Variants in SEMA3B observed in about 807,000 individuals in gnomAD.
SEMA3B encodes semaphorin 3B, also known as semaphorin-3B.
A neutral mutation model predicts 77.8 loss-of-function variants in SEMA3B; 71 were observed. The observed-to-expected ratio is 0.91, with a 90% confidence interval of 0.75 to 1.11. SEMA3B has a LOEUF of 1.11. SEMA3B is among the 50% of genes most tolerant of loss of function. The pLI, the probability that SEMA3B is intolerant of heterozygous loss-of-function variation, is 0.00. For missense variants in SEMA3B, 968 were observed against 1,056.8 expected, an observed-to-expected ratio of 0.92 and a Z score of 1.17; for synonymous variants, 470 against 452.9, an observed-to-expected ratio of 1.04 and a Z score of -0.48.
Position 50,273,059 on chromosome 3 carries a change from C to A in SEMA3B, c.665-239C>A. On this transcript the variant is annotated intron_variant, in intron 6 of 16. Transcript: ENST00000616701. This position sits in a 1 kb window ranked among gnomAD's most constrained non-coding sequence, Gnocchi z 6.5. ...GGAGGCTAGCCGGGCTTCACGCCTG[C>A]GCCCCCAGGTAGCCACGGTCTCTGC... 1 of 541,622 alleles carries A rather than the reference C, an allele frequency of 1.8e-6. No individual in the cohort carries two copies. Among genetic ancestry groups the A allele is most frequent in the African/African-American group, 1.9e-5 (1 of 51,758 alleles). 33.6% of individuals were successfully genotyped at this position (541,622 alleles called of 1,614,324 possible).
chr3:50,273,708 C>T lies in SEMA3B; in HGVS notation c.923-51C>T. 1 of 1,602,978 alleles carries T rather than the reference C, an allele frequency of 6.2e-7. No homozygotes were observed. Among genetic ancestry groups the T allele is most frequent in the Non-Finnish European group, 8.5e-7 (1 of 1,178,074 alleles). ...GCAGCGGCGCAGACTCCGGGAGCCC[C>T]CGCCGCAGCGGGGCTGTGCGCCCTA... On this transcript the variant is annotated intron_variant, in intron 8 of 16. Transcript: ENST00000616701. This position sits in a 1 kb window ranked among gnomAD's most constrained non-coding sequence, Gnocchi z 6.5.
In SEMA3B at chr3:50,276,271, A is replaced by G; in HGVS notation, c.1846-31A>G. The G allele has an allele frequency of 6.9e-7, 1 of 1,447,070 alleles. No homozygotes were observed. Among genetic ancestry groups the G allele is most frequent in the Non-Finnish European group, 9.1e-7 (1 of 1,104,350 alleles). The allele number at this position is 1,447,070 out of a possible 1,614,324, so 89.6% of individuals were successfully genotyped here. A position where few individuals can be genotyped will look rare whatever the true frequency, so the allele number is the denominator to read the frequency against. On this transcript the variant is annotated intron_variant, in intron 16 of 16. Transcript: ENST00000616701. This position sits in a 1 kb window ranked among gnomAD's most constrained non-coding sequence, Gnocchi z 5.8. ...CCGGAAGCCCTGTTCCCGGCCCGAC[A>G]CCCCCGCCTCACGCTGCCCTCTGCC...
At chr3:50,268,600 G>A (rs782683338), upstream of SEMA3B, among the ~76,000 whole-genome samples, 4 of 152,170 alleles carry the variant, frequency 2.6e-5, no homozygotes, top group Non-Finnish European at 5.9e-5. Context: ...CACATCACAA[G>A]GGGACACTCG....
At position 50,273,089 on chromosome 3, in the gene SEMA3B, C is replaced by T; in HGVS notation, c.665-209C>T. 1.4e-6 allele frequency: 1 copy of T among 711,008 alleles called. No individual in the cohort carries two copies. Among genetic ancestry groups the T allele is most frequent in the South Asian group, 2.0e-5 (1 of 50,550 alleles). 44.0% of individuals were successfully genotyped at this position (711,008 alleles called of 1,614,324 possible). On this transcript the variant is annotated intron_variant, in intron 6 of 16. Transcript: ENST00000616701. This position sits in a 1 kb window ranked among gnomAD's most constrained non-coding sequence, Gnocchi z 6.5. The stretch of plus-strand genomic sequence containing the variant: ...CCAGGTAGCCACGGTCTCTGCTGCC[C>T]CCTCGCGGCTGCTTCTTGCCTCGCA...
At position 50,276,638 on chromosome 3, in the gene SEMA3B, C is replaced by G. The variant is rs782337374; in HGVS notation, c.2182C>G (p.Arg728Gly). ...GCCCCTGGAGTCGCGGAGAAAGGGCCGTAACCGGAGGACCCACGCCCCTGA... is the reference window on the plus strand; with the variant it reads ...GCCCCTGGAGTCGCGGAGAAAGGGCGGTAACCGGAGGACCCACGCCCCTGA... ...SLPLESRRKG[R>G]NRRTHAPEPR... Residue 728 changes from arginine to glycine, a missense_variant, in exon 17 of 17, where the codon CGT becomes GGT. Transcript: ENST00000616701. The surrounding 1 kb of genome is among the most constrained non-coding windows in gnomAD (Gnocchi z 5.8). The G allele has an allele frequency of 1.9e-5, 31 of 1,594,966 alleles. No individual in the cohort carries two copies. The Admixed American group carries it at 5.3e-4, about 27-fold the overall frequency.
chr3:50,272,921 G>A (rs1701094820), intron 6 of SEMA3B, among the ~76,000 whole-genome samples: 1 of 151,002 alleles, frequency 6.6e-6, no homozygotes, highest in African/African-American at 2.4e-5. Context: ...AAGCAGGAGT[G>A]GGGAGCATCT....
At position 50,275,656 on chromosome 3, in the gene SEMA3B, G is replaced by GCC; in HGVS notation, c.1705+44_1705+45dup. ...GCCCCTACCCTCAGCCCCAGAAGAC[G>GCC]CCCCACCTGCCCTGCCTTGCCTAAA... On this transcript the variant is annotated intron_variant, in intron 15 of 16. Coordinates refer to ENST00000616701, the MANE Select transcript of SEMA3B (RefSeq NM_001290060.2). The surrounding 1 kb of genome is among the most constrained non-coding windows in gnomAD (Gnocchi z 7.5). 1.2e-6 allele frequency: 2 copies of GCC among 1,613,280 alleles called. No homozygotes were observed. Among genetic ancestry groups the GCC allele is most frequent in the South Asian group, 2.2e-5 (2 of 91,064 alleles).
At position 50,273,306 on chromosome 3, in the gene SEMA3B, T is replaced by C. The variant is rs1480832589; in HGVS notation, c.673T>C (p.Phe225Leu). 1 of 1,613,638 alleles carries C rather than the reference T, an allele frequency of 6.2e-7. No individual in the cohort carries two copies. The highest frequency in any genetic ancestry group is 8.5e-7 in the Non-Finnish European group (1 of 1,179,722). ...CCTCCTGCCGCGGTCAGAGCCCAAG[T>C]TTGTCAAGGTATTTTGGATCCCGGA... ...HDSRWLNEPK[F>L]VKVFWIPESE... Residue 225 changes from phenylalanine to leucine, a missense_variant, in exon 7 of 17, where the codon TTT becomes CTT. Transcript: ENST00000616701. The surrounding 1 kb of genome is among the most constrained non-coding windows in gnomAD (Gnocchi z 6.5).
rs1553705132 is a variant in SEMA3B at position 50,270,279 on chromosome 3, A to G, written c.262A>G (p.Lys88Glu). 6.2e-7 allele frequency: 1 copy of G among 1,613,276 alleles called. No individual in the cohort carries two copies. The highest frequency in any genetic ancestry group is 2.2e-5 in the East Asian group (1 of 44,864). The change falls in exon 2 of 17, where the codon AAG becomes GAG. Residue 88 changes from lysine (K) to glutamate (E), a missense_variant. Transcript: ENST00000616701. The surrounding 1 kb of genome is among the most constrained non-coding windows in gnomAD (Gnocchi z 4.7). ...LNLDNISKRAKKLAWPAPVEW... is the reference protein window; with the variant it reads ...LNLDNISKRAEKLAWPAPVEW... ...CCTGGACAACATCAGCAAGCGGGCCAAGAAGGTGCCAGGGACTCCCAACCC... is the reference window on the plus strand; with the variant it reads ...CCTGGACAACATCAGCAAGCGGGCCGAGAAGGTGCCAGGGACTCCCAACCC...
In SEMA3B at chr3:50,270,049, A is replaced by C. The variant is rs971053684; in HGVS notation, c.110-78A>C. The stretch of plus-strand genomic sequence containing the variant: ...CAGGTCCTAATGGCAACCTTGGCCG[A>C]TAGAGTCACCACCAGGCAGGACCTG... On this transcript the variant is annotated intron_variant, in intron 1 of 16. Coordinates refer to ENST00000616701, the MANE Select transcript of SEMA3B (RefSeq NM_001290060.2). The surrounding 1 kb of genome is among the most constrained non-coding windows in gnomAD (Gnocchi z 4.7). 3.5e-6 allele frequency: 5 copies of C among 1,430,334 alleles called. No individual in the cohort carries two copies. In the African/African-American group the frequency reaches 7.2e-5, roughly 20 times the overall value. The allele number at this position is 1,430,334 out of a possible 1,614,324, so 88.6% of individuals were successfully genotyped here.
rs1034869793 is a variant in SEMA3B at position 50,276,493 on chromosome 3, C to T, written c.2037C>T (p.Pro679=). The T allele has an allele frequency of 1.3e-6, 2 of 1,530,930 alleles. No homozygotes were observed. The highest frequency in any genetic ancestry group is 1.7e-6 in the Non-Finnish European group (2 of 1,143,666). 94.8% of individuals were successfully genotyped at this position (1,530,930 alleles called of 1,614,324 possible). A position where few individuals can be genotyped will look rare whatever the true frequency, so the allele number is the denominator to read the frequency against. Residue 679 remains proline, a synonymous_variant, in exon 17 of 17, where the codon CCC becomes CCT. Transcript: ENST00000616701. This position sits in a 1 kb window ranked among gnomAD's most constrained non-coding sequence, Gnocchi z 5.8. ...ERLARAEEAA[P]AAPPGPKLWY... is the part of the protein sequence containing the mutation. ...TGGCGCGGGCCGAGGAGGCTGCGCC[C>T]GCCGCGCCGCCGGGCCCCAAACTCT...
Position 50,273,805 on chromosome 3 carries a change from C to T in SEMA3B, c.969C>T (p.Leu323=). The T allele has an allele frequency of 1.3e-6, 2 of 1,585,252 alleles. No individual in the cohort carries two copies. The highest frequency in any genetic ancestry group is 1.7e-6 in the Non-Finnish European group (2 of 1,166,960). ...CGCGGGACCACCGGACCCCGCTGCTCTATGCCGTCTTCTCCACGTCCAGGT... is the reference window on the plus strand; with the variant it reads ...CGCGGGACCACCGGACCCCGCTGCTTTATGCCGTCTTCTCCACGTCCAGGT... ...LSSRDHRTPL[L]YAVFSTSSSI... Residue 323 remains leucine, a synonymous_variant, in exon 9 of 17, where the codon CTC becomes CTT. Coordinates refer to ENST00000616701, the MANE Select transcript of SEMA3B (RefSeq NM_001290060.2). This position sits in a 1 kb window ranked among gnomAD's most constrained non-coding sequence, Gnocchi z 6.5.
rs1553705194 is a variant in SEMA3B, at chr3:50,270,643, G to A, written c.330+148G>A. 11 of 1,184,380 alleles carry A rather than the reference G, an allele frequency of 9.3e-6. No homozygotes were observed. The highest frequency in any genetic ancestry group is 1.3e-5 in the Non-Finnish European group (11 of 849,004). 73.4% of individuals were successfully genotyped at this position (1,184,380 alleles called of 1,614,324 possible). Reference sequence around the variant, plus strand: ...TGAGGTCTGGGGGTGGTGAGTCAGGGTGGGGGCTCGTGTAATTCTTCTGGG... The same window carrying A: ...TGAGGTCTGGGGGTGGTGAGTCAGGATGGGGGCTCGTGTAATTCTTCTGGG... On this transcript the variant is annotated intron_variant, in intron 3 of 16. Transcript: ENST00000616701. This position sits in a 1 kb window ranked among gnomAD's most constrained non-coding sequence, Gnocchi z 4.7.
chr3:50,276,778 G>A lies in SEMA3B; in HGVS notation c.*72G>A. The A allele has an allele frequency of 7.1e-7, 1 of 1,407,802 alleles. No individual in the cohort carries two copies. Among genetic ancestry groups the A allele is most frequent in the Non-Finnish European group, 9.2e-7 (1 of 1,086,682 alleles). The allele number at this position is 1,407,802 out of a possible 1,614,324, so 87.2% of individuals were successfully genotyped here. ...AGAGGAGCCAGACAGACCCTGAAAA[G>A]AAGGACGGGTTGGGGCCGGGCACAT... On this transcript the variant is annotated 3_prime_UTR_variant, in exon 17 of 17. Transcript: ENST00000616701. This position sits in a 1 kb window ranked among gnomAD's most constrained non-coding sequence, Gnocchi z 5.8.
upstream of SEMA3B, among the ~76,000 whole-genome samples, chr3:50,264,953 C>CA (rs1700874096): frequency 6.6e-6 from 1 of 151,994 alleles, no homozygotes; most frequent in African/African-American, 2.4e-5. Context: ...GGTAGGGCCA[C>CA]AGCCAAAGGC....
Position 50,270,958 on chromosome 3 carries a change from G to A in SEMA3B, c.399G>A (p.Thr133=), listed in dbSNP as rs963384578. The A allele has an allele frequency of 1.3e-5, 21 of 1,611,182 alleles. No homozygotes were observed. The highest frequency in any genetic ancestry group is 6.7e-5 in the Admixed American group (4 of 59,634). Residue 133 remains threonine (T), a synonymous_variant, in exon 4 of 17, where the codon ACG becomes ACA. Transcript: ENST00000616701. The surrounding 1 kb of genome is among the most constrained non-coding windows in gnomAD (Gnocchi z 4.7). ...YNRTHLLACG[T]GAFHPTCAFV... The stretch of plus-strand genomic sequence containing the variant: ...GCACCCATTTGCTGGCCTGTGGCAC[G>A]GGAGCCTTCCACCCAACCTGTGCCT...
chr3:50,269,219 C>G lies in SEMA3B; in HGVS notation c.-22C>G. The G allele has an allele frequency of 6.6e-7, 1 of 1,515,926 alleles. No homozygotes were observed. Among genetic ancestry groups the G allele is most frequent in the Non-Finnish European group, 8.9e-7 (1 of 1,128,410 alleles). The allele number at this position is 1,515,926 out of a possible 1,614,324, so 93.9% of individuals were successfully genotyped here. The stretch of plus-strand genomic sequence containing the variant: ...CCTCCACACACACACCCGCTGAACC[C>G]TGAGCACCCTGAGCTGCTGAGATGG... On this transcript the variant is annotated 5_prime_UTR_variant, in exon 1 of 17. Coordinates refer to ENST00000616701, the MANE Select transcript of SEMA3B (RefSeq NM_001290060.2). This position sits in a 1 kb window ranked among gnomAD's most constrained non-coding sequence, Gnocchi z 4.0.
rs587700339 is a variant in SEMA3B, at chr3:50,274,336, C to G, written c.1138-27C>G. The G allele has an allele frequency of 1.4e-6, 2 of 1,475,644 alleles. No homozygotes were observed. The highest frequency in any genetic ancestry group is 4.9e-5 in the Admixed American group (2 of 41,052). The allele number at this position is 1,475,644 out of a possible 1,614,324, so 91.4% of individuals were successfully genotyped here. A position where few individuals can be genotyped will look rare whatever the true frequency, so the allele number is the denominator to read the frequency against. On this transcript the variant is annotated intron_variant, in intron 10 of 16. Transcript: ENST00000616701. This position sits in a 1 kb window ranked among gnomAD's most constrained non-coding sequence, Gnocchi z 4.7. ...TCAAGCCCCCATATCTATATCCCTGCTGTGCCTCCCTTTCCCCCACCCCCA... is the reference window on the plus strand; with the variant it reads ...TCAAGCCCCCATATCTATATCCCTGGTGTGCCTCCCTTTCCCCCACCCCCA...
rs782629976 is a variant in SEMA3B at position 50,269,197 on chromosome 3, CCA to C, written c.-34_-33del. On this transcript the variant is annotated 5_prime_UTR_variant, in exon 1 of 17. Coordinates refer to ENST00000616701, the MANE Select transcript of SEMA3B (RefSeq NM_001290060.2). The surrounding 1 kb of genome is among the most constrained non-coding windows in gnomAD (Gnocchi z 4.0). ...GAGTCCAGGGCAGCTCAAGGCTCCT[CCA>C]CACACACACCCGCTGAACCCTGAGC... 2.2e-5 allele frequency: 31 copies of C among 1,405,394 alleles called. No homozygotes were observed. The highest frequency in any genetic ancestry group is 2.5e-5 in the South Asian group (2 of 81,172). The allele number at this position is 1,405,394 out of a possible 1,614,324, so 87.1% of individuals were successfully genotyped here.
Sources: gnomAD v4.1 joint callset for allele counts (sites outside exome capture counted in the v4.1 genomes callset) on GRCh38, gnomAD v4.1.1 for gene constraint, Gnocchi (gnomAD v3.1) non-coding constraint, MANE v1.5 for transcripts, NCBI Gene and HGNC (gene_info 2026-07-23, HGNC 2026-07-21) for gene names.